GATAD1: variants seen among roughly 807,000 people sequenced by gnomAD.
The protein encoded by GATAD1 is GATA zinc finger domain containing 1, also known as GATA zinc finger domain-containing protein 1.
In GATAD1, 12 loss-of-function variants were observed where a neutral mutation model predicts 26.5. That is an observed-to-expected ratio of 0.45 (90% CI 0.29 to 0.73). GATAD1 has a LOEUF of 0.73. Ranked by LOEUF, GATAD1 falls within the 30% of genes least tolerant of loss-of-function variation. The pLI is 0.10. For missense variants in GATAD1, 266 were observed against 342.1 expected, an observed-to-expected ratio of 0.78 and a Z score of 1.75; for synonymous variants, 129 against 133.1, an observed-to-expected ratio of 0.97 and a Z score of 0.21.
intron 4 of GATAD1, among the ~76,000 whole-genome samples, chr7:92,455,117 G>A (rs1317718359): frequency 2.6e-5 from 4 of 151,164 alleles, no homozygotes; most frequent in Middle Eastern, 3.4e-3. Flanking sequence ...TGGCGGGGGG[G>A]GATGCAATTC....
chr7:92,450,760 G>A lies in GATAD1; in HGVS notation c.435G>A (p.Lys145=). 1 of 1,593,912 alleles carries A rather than the reference G, an allele frequency of 6.3e-7. No homozygotes were observed. Among genetic ancestry groups the A allele is most frequent in the Non-Finnish European group, 8.6e-7 (1 of 1,161,640 alleles). ...TIITAESIFY[K]GVYYQIGDVV... ...TCACTGCAGAATCAATCTTCTACAA[G>A]GTAAGCTTTTGTAGAGTTACTGAAG... Residue 145 remains lysine, a splice_region_variant and synonymous_variant, in exon 3 of 5, where the codon AAG becomes AAA. Transcript: ENST00000287957.
chr7:92,467,505 T>C, the GATAD1 span, among the ~76,000 whole-genome samples: 2 of 152,238 alleles, frequency 1.3e-5, no homozygotes, highest in Admixed American at 1.3e-4. Context: ...AGGAAGGATG[T>C]GGGCCAACTT....
chr7:92,465,394 G>A, the GATAD1 span, among the ~76,000 whole-genome samples: 2 of 152,014 alleles, frequency 1.3e-5, no homozygotes, highest in Non-Finnish European at 1.5e-5. Flanking sequence ...GAGGCGGGTG[G>A]ATCACCTGAG....
chr7:92,494,565 C>G, the GATAD1 span: 1 of 1,613,896 alleles, frequency 6.2e-7, no homozygotes, highest in Non-Finnish European at 8.5e-7. Flanking sequence ...TTATCATGAC[C>G]CCGCCGAGGA....
At chr7:92,492,648 C>CT in the GATAD1 span, among the ~76,000 whole-genome samples, 3 of 152,152 alleles carry the variant, frequency 2.0e-5, no homozygotes, top group Non-Finnish European at 2.9e-5. Flanking sequence ...ACAAAAAACT[C>CT]TAATTATTTT....
the GATAD1 span, chr7:92,468,768 A>C: frequency 2.7e-6 from 2 of 731,910 alleles, no homozygotes; most frequent in Non-Finnish European, 5.0e-6. Context: ...GACCGCTCTA[A>C]CTGCTTCCTG....
Position 92,456,567 on chromosome 7 carries a change from C to G in GATAD1, c.*5C>G, listed in dbSNP as rs776572083. 6.2e-7 allele frequency: 1 copy of G among 1,602,360 alleles called. No homozygotes were observed. The highest frequency in any genetic ancestry group is 1.3e-5 in the African/African-American group (1 of 74,674). On this transcript the variant is annotated 3_prime_UTR_variant, in exon 5 of 5. Transcript: ENST00000287957. The stretch of plus-strand genomic sequence containing the variant: ...TCAGTTGCCAACCATTTGTAGTTCA[C>G]AAATTAAAACTGGGTTTCCAGGCCT...
the GATAD1 span, chr7:92,491,433 AGCCACT>A: frequency 2.5e-6 from 4 of 1,613,950 alleles, no homozygotes; most frequent in Non-Finnish European, 3.4e-6. Context: ...GAATCGTCAG[AGCCACT>A]GCTATGGTTA....
chr7:92,452,212 A>C (rs1008659270), intron 3 of GATAD1, among the ~76,000 whole-genome samples: 26 of 152,208 alleles, frequency 1.7e-4, no homozygotes, highest in Non-Finnish European at 3.2e-4. Flanking sequence ...GTGTGTCTCC[A>C]TGGAAGGGTG....
the GATAD1 span, chr7:92,489,446 C>T: frequency 2.7e-5 from 43 of 1,606,360 alleles, no homozygotes; most frequent in East Asian, 8.9e-5. Flanking sequence ...AAGAAATTGA[C>T]GAAGAGTTAA....
the GATAD1 span, among the ~76,000 whole-genome samples, chr7:92,492,624 T>TA: frequency 2.6e-5 from 4 of 152,250 alleles, no homozygotes; most frequent in East Asian, 1.9e-4. Context: ...TTTTAAAAGT[T>TA]AAAGTACAAA....
chr7:92,476,428 G>A, the GATAD1 span, among the ~76,000 whole-genome samples: 1 of 152,186 alleles, frequency 6.6e-6, no homozygotes, highest in Admixed American at 6.5e-5. Context: ...TGGCCTCAGT[G>A]CTTTCGGCCT....
chr7:92,492,987 G>C, the GATAD1 span: 1 of 1,613,760 alleles, frequency 6.2e-7, no homozygotes, highest in African/African-American at 1.3e-5. Context: ...TCCATGTAAG[G>C]CCTCCAATTG....
At chr7:92,487,384 A>AT in the GATAD1 span, 5 of 789,446 alleles carry the variant, frequency 6.3e-6, no homozygotes, top group South Asian at 1.5e-5. Context: ...CATAGACACC[A>AT]TTTTTTTCCT....
chr7:92,465,717 A>C, the GATAD1 span, among the ~76,000 whole-genome samples: 1 of 152,130 alleles, frequency 6.6e-6, no homozygotes, highest in African/African-American at 2.4e-5. Flanking sequence ...AAAAAGCTAC[A>C]ATCTGCCAGG....
At position 92,447,866 on chromosome 7, in the gene GATAD1, C is replaced by T; in HGVS notation, c.137C>T (p.Ser46Leu). The T allele has an allele frequency of 1.5e-6, 2 of 1,361,318 alleles. No homozygotes were observed. Among genetic ancestry groups the T allele is most frequent in the Middle Eastern group, 2.0e-4 (1 of 5,016 alleles). 84.3% of individuals were successfully genotyped at this position (1,361,318 alleles called of 1,614,324 possible). A position where few individuals can be genotyped will look rare whatever the true frequency, so the allele number is the denominator to read the frequency against. The stretch of plus-strand genomic sequence containing the variant: ...GGCGCGGGCAGCGGGGGCGCAGGCT[C>T]GGGGGCGGCTGGAGGGACTGGGGGC... ...RGGAGSGGAGSGAAGGTGGSG... is the reference protein window; with the variant it reads ...RGGAGSGGAGLGAAGGTGGSG... The change falls in exon 1 of 5, where the codon TCG becomes TTG. Residue 46 changes from serine to leucine, a missense_variant. Physicochemically the swap from Ser to Leu is moderately radical, Grantham distance 145. Transcript: ENST00000287957.
Position 92,459,759 on chromosome 7 carries a change from CTG to C in GATAD1, c.*3201_*3202del, listed in dbSNP as rs1473831785. ...CTTTGGTCCTGGGATGACAGGGATGCTGTGTTTTATTTACTCATCTTTGTAAC... is the reference window on the plus strand; with the variant it reads ...CTTTGGTCCTGGGATGACAGGGATGCTGTTTTATTTACTCATCTTTGTAAC... On this transcript the variant is annotated 3_prime_UTR_variant, in exon 5 of 5. Transcript: ENST00000287957. Among the ~76,000 whole-genome samples the C allele has an allele frequency of 6.6e-6, 1 of 152,202 alleles. No individual in the cohort carries two copies. Among genetic ancestry groups the C allele is most frequent in the Non-Finnish European group, 1.5e-5 (1 of 68,032 alleles).
the GATAD1 span, among the ~76,000 whole-genome samples, chr7:92,482,925 T>G: frequency 6.6e-6 from 1 of 152,142 alleles, no homozygotes; most frequent in Admixed American, 6.5e-5. Flanking sequence ...AAGAAGGTGA[T>G]GTGGAGTGGG....
the GATAD1 span, chr7:92,493,134 AAGG>A: frequency 1.3e-6 from 2 of 1,525,824 alleles, no homozygotes; most frequent in Non-Finnish European, 1.8e-6. Flanking sequence ...TGACACCTGA[AAGG>A]AGAAAAATTT....
Sources: allele counts gnomAD v4.1 joint callset (sites outside exome capture counted in the v4.1 genomes callset), GRCh38; gene constraint gnomAD v4.1.1; transcripts MANE v1.5; gene names NCBI Gene and HGNC (gene_info 2026-07-23, HGNC 2026-07-21).